USP9X: variants seen among roughly 807,000 people sequenced by gnomAD.
USP9X encodes the protein ubiquitin specific peptidase 9 X-linked, also known as ubiquitin carboxyl-terminal hydrolase 9X.
USP9X carries 7 observed loss-of-function variants against 190.3 expected under a neutral mutation model. The observed-to-expected ratio is 0.04, with a 90% CI of 0.02 to 0.07. The LOEUF is 0.07. USP9X is among the 10% of genes least tolerant of loss of function. The pLI is 1.00. For synonymous variants in USP9X, 645 were observed against 659.5 expected (o/e 0.98, Z 0.34); for missense variants, 1,010 against 1,916.9 (o/e 0.53, Z 8.83).
intron 26 of USP9X, 50 bp downstream of exon 26, chrX:41,189,525 A>C: frequency 2.7e-6 from 3 of 1,101,446 alleles, no homozygotes. Flanking sequence ...AAATGGAGTG[A>C]ATTAATTTAG....
At chrX:41,150,682 A>G (rs1205513989) in intron 12 of USP9X, among the ~76,000 whole-genome samples, 1 of 111,898 alleles carries the variant, frequency 8.9e-6, no homozygotes, top group Admixed American at 9.5e-5. Context: ...ATTTCAGTCC[A>G]TATAATACAA....
At chrX:41,117,770 A>T (rs1256444764) in intron 1 of USP9X, among the ~76,000 whole-genome samples, 1 of 108,301 alleles carries the variant, frequency 9.2e-6, no homozygotes, top group Non-Finnish European at 1.9e-5. Flanking sequence ...CGTGTTAGCC[A>T]GGATGGTCTC....
intron 38 of USP9X, 53 bp from the exon 39 acceptor site, chrX:41,223,164 C>T: frequency 9.0e-7 from 1 of 1,116,241 alleles, no homozygotes; most frequent in Non-Finnish European, 1.2e-6. Context: ...TTAATTTTTT[C>T]CTCATATTTT....
At chrX:41,171,310 T>C (rs1185039915) in intron 20 of USP9X, among the ~76,000 whole-genome samples, 1 of 111,904 alleles carries the variant, frequency 8.9e-6, no homozygotes, top group Non-Finnish European at 1.9e-5. Flanking sequence ...TGCTCTAGCC[T>C]GGTCAACAGA....
At chrX:41,213,393 T>G (rs928645310) in intron 33 of USP9X, among the ~76,000 whole-genome samples, 4 of 112,402 alleles carry the variant, frequency 3.6e-5, no homozygotes, top group African/African-American at 9.7e-5. Context: ...ACATGAATCT[T>G]TGTGTTACAA....
At chrX:41,201,828 G>A (rs752313906) in intron 31 of USP9X, among the ~76,000 whole-genome samples, 3 of 111,632 alleles carry the variant, frequency 2.7e-5, no homozygotes, top group Admixed American at 1.9e-4. Context: ...AAAATTAGCT[G>A]GGTGTGGTGG....
intron 26 of USP9X, 182 bp from the exon 27 acceptor site, chrX:41,196,069 C>G (rs191751069): frequency 2.6e-4 from 137 of 524,074 alleles, no homozygotes; most frequent in Non-Finnish European, 4.2e-4. Context: ...AGCTTAAGTT[C>G]ATGTATTATG....
At chrX:41,232,025 T>C (rs2063364531) in intron 44 of USP9X, among the ~76,000 whole-genome samples, 1 of 111,674 alleles carries the variant, frequency 9.0e-6, no homozygotes, top group African/African-American at 3.3e-5. Flanking sequence ...GAAGAGTCAA[T>C]AGATGCTCAT....
At chrX:41,125,222 C>T (rs1483516935) in intron 2 of USP9X, among the ~76,000 whole-genome samples, 5 of 109,827 alleles carry the variant, frequency 4.6e-5, no homozygotes, top group Non-Finnish European at 9.5e-5. Context: ...ATTACAGGCA[C>T]GTCCCACCAC....
chrX:41,139,167 A>G (rs2062400480), intron 6 of USP9X, among the ~76,000 whole-genome samples: 1 of 112,597 alleles, frequency 8.9e-6, no homozygotes, highest in African/African-American at 3.2e-5. Flanking sequence ...TGAAGAAATA[A>G]AATATATTAC....
chrX:41,167,709 T>C, intron 17 of USP9X, 132 bp downstream of exon 17: 2 of 465,494 alleles, frequency 4.3e-6, no homozygotes, highest in South Asian at 1.1e-4. Flanking sequence ...GGGTTATTTT[T>C]AATATAACTA....
chrX:41,181,436 T>C (rs868052503), intron 21 of USP9X, among the ~76,000 whole-genome samples: 63 of 23,568 alleles, frequency 2.7e-3, no homozygotes, highest in Non-Finnish European at 4.0e-3. Context: ...CACACCTGAC[T>C]TTTTTTTTTT....
chrX:41,092,069 C>T (rs1304364478), intron 1 of USP9X, among the ~76,000 whole-genome samples: 1 of 111,537 alleles, frequency 9.0e-6, no homozygotes, highest in Admixed American at 9.5e-5. Context: ...TTTATGGCAC[C>T]CTACAGTTTA....
intron 41 of USP9X, among the ~76,000 whole-genome samples, chrX:41,227,181 G>T (rs1267886597): frequency 8.9e-6 from 1 of 112,100 alleles, no homozygotes. Flanking sequence ...AGTAAACAAT[G>T]TTCAAATATT....
chrX:41,200,716 A>G (rs187202477), intron 30 of USP9X, among the ~76,000 whole-genome samples: 83 of 112,508 alleles, frequency 7.4e-4, no homozygotes, highest in African/African-American at 2.6e-3. Context: ...CAAAAGTATC[A>G]AATATTAAGA....
intron 33 of USP9X, among the ~76,000 whole-genome samples, chrX:41,213,650 T>G (rs959091978): frequency 1.8e-5 from 2 of 112,312 alleles, no homozygotes; most frequent in African/African-American, 6.5e-5. Context: ...AGAAAGACTT[T>G]GCTGTCCTCT....
intron 32 of USP9X, 98 bp from the exon 33 acceptor site, chrX:41,210,411 T>C: frequency 1.1e-6 from 1 of 895,697 alleles, no homozygotes; most frequent in South Asian, 2.2e-5. Flanking sequence ...ATACTGTTGT[T>C]TGTGGTCTTG....
chrX:41,095,729 A>C (rs780423508), intron 1 of USP9X, among the ~76,000 whole-genome samples: 70 of 111,984 alleles, frequency 6.3e-4, no homozygotes, highest in Middle Eastern at 4.6e-3. Flanking sequence ...TTTACTGTTA[A>C]GGTAATGAGA....
rs1301706899 is a variant in USP9X, at chrX:41,223,199, C to G, written c.6566-18C>G. The G allele has an allele frequency of 1.7e-6, 2 of 1,200,593 alleles. No individual in the cohort carries two copies. The highest frequency in any genetic ancestry group is 3.5e-5 in the African/African-American group (2 of 56,773). Reference sequence around the variant, plus strand: ...TTCTCCCTCTCTTTCTTCTCCCCTTCACTCCTTTTTGTTGTAGGTGTGGCA... The same window carrying G: ...TTCTCCCTCTCTTTCTTCTCCCCTTGACTCCTTTTTGTTGTAGGTGTGGCA... On this transcript the variant is annotated intron_variant, in intron 38 of 44. Coordinates refer to ENST00000378308, the MANE Select transcript of USP9X (RefSeq NM_001039591.3).
Sources: allele counts gnomAD v4.1 joint callset (sites outside exome capture counted in the v4.1 genomes callset), GRCh38; gene constraint gnomAD v4.1.1; transcripts MANE v1.5; gene names NCBI Gene and HGNC (gene_info 2026-07-23, HGNC 2026-07-21).